The following ROS1 variants were observed in gnomAD, a reference collection of about 807,000 sequenced individuals.
The protein encoded by ROS1 is ROS proto-oncogene 1, receptor tyrosine kinase.
Under a neutral mutation model 273.5 loss-of-function variants are expected in ROS1, and 263 were observed. That is an observed-to-expected ratio of 0.96 (90% CI 0.87 to 1.06). The LOEUF (loss-of-function observed/expected upper bound fraction) is 1.06. Among genes scored for constraint, ROS1 ranks in the 50% least tolerant of loss-of-function variants. ROS1 has a pLI of 0.00. For missense variants in ROS1, 2,833 were observed against 2,751.1 expected, an observed-to-expected ratio of 1.03 and a Z score of -0.67; for synonymous variants, 1,008 against 954.1, an observed-to-expected ratio of 1.06 and a Z score of -1.04.
chr6:117,348,434 C>T (rs769699730), intron 27 of ROS1, among the ~76,000 whole-genome samples: 3 of 151,808 alleles, frequency 2.0e-5, no homozygotes, highest in Non-Finnish European at 4.4e-5. Context: ...GAGATGTCCC[C>T]GCCTTCATTT....
chr6:117,407,675 A>C (rs9489147), intron 5 of ROS1, among the ~76,000 whole-genome samples: 24,135 of 152,146 alleles, frequency 0.16, 2,026 homozygotes, highest in South Asian at 0.2. Flanking sequence ...CATCCCCATC[A>C]AGCTACCAAT....
At chr6:117,306,241 T>C (rs1446129211) in intron 42 of ROS1, among the ~76,000 whole-genome samples, 4 of 152,240 alleles carry the variant, frequency 2.6e-5, no homozygotes, top group South Asian at 4.1e-4. Flanking sequence ...CCTTACTTAT[T>C]ATACCTAATC....
chr6:117,305,635 A>T (rs1181239913), intron 42 of ROS1, among the ~76,000 whole-genome samples: 1 of 152,214 alleles, frequency 6.6e-6, no homozygotes, highest in Non-Finnish European at 1.5e-5. Context: ...CAGTCATCTA[A>T]AAGTAAAGAA....
intron 32 of ROS1, among the ~76,000 whole-genome samples, chr6:117,332,156 A>G (rs981364058): frequency 4.6e-5 from 7 of 151,486 alleles, no homozygotes; most frequent in Non-Finnish European, 7.4e-5. Context: ...TTTACCAAGC[A>G]TATGGAAAGC....
intron 34 of ROS1, among the ~76,000 whole-genome samples, chr6:117,325,173 T>A (rs1182384652): frequency 6.6e-6 from 1 of 152,198 alleles, no homozygotes; most frequent in East Asian, 1.9e-4. Context: ...ATGTAAGTTT[T>A]ATATAGCATG....
At chr6:117,407,108 C>G (rs1375577098) in intron 5 of ROS1, among the ~76,000 whole-genome samples, 1 of 152,026 alleles carries the variant, frequency 6.6e-6, no homozygotes, top group Non-Finnish European at 1.5e-5. Flanking sequence ...TCCACAGAAA[C>G]GTCTAGGGTG....
intron 22 of ROS1, 141 bp downstream of exon 22, chr6:117,362,462 A>G (rs1039280191): frequency 5.9e-6 from 4 of 676,002 alleles, no homozygotes; most frequent in South Asian, 2.7e-5. Flanking sequence ...TTTCTCACAT[A>G]ATTTTAAAAA....
At position 117,407,214 on chromosome 6, in the gene ROS1, C is replaced by T. The variant is rs1774484605; in HGVS notation, c.316+2368G>A. On this transcript the variant is annotated intron_variant, in intron 5 of 43. Coordinates refer to ENST00000368507, the MANE Select transcript of ROS1 (RefSeq NM_001378902.1). ...CAGCCACTGAGAGCAAGGAACAAGC[C>T]ACTGAGTCAAGAACTACAACATATG... 2.0e-5 allele frequency among the ~76,000 whole-genome samples: 3 copies of T among 152,130 alleles called. No homozygotes were observed. In the South Asian group the frequency reaches 6.2e-4, roughly 32 times the overall value.
rs898110578 is a variant in ROS1, at chr6:117,389,920, T to C, written c.1290-74A>G. ...TGAGTAACCTCCTCAGCTAATTGCTTCATTCTGTTGCACAATCAGAACTAT... is the reference window on the plus strand; with the variant it reads ...TGAGTAACCTCCTCAGCTAATTGCTCCATTCTGTTGCACAATCAGAACTAT... On this transcript the variant is annotated intron_variant, in intron 12 of 43. Coordinates refer to ENST00000368507, the MANE Select transcript of ROS1 (RefSeq NM_001378902.1). 7 of 1,327,902 alleles carry C rather than the reference T, an allele frequency of 5.3e-6. No individual in the cohort carries two copies. In the African/African-American group the frequency reaches 7.3e-5, roughly 14 times the overall value. The allele number at this position is 1,327,902 out of a possible 1,614,324, so 82.3% of individuals were successfully genotyped here.
rs1772509762 is a variant in ROS1, at chr6:117,385,669, A to G, written c.2289+14T>C. The G allele has an allele frequency of 3.7e-6, 6 of 1,612,974 alleles. No homozygotes were observed. The East Asian group carries it at 8.9e-5, about 24-fold the overall frequency. ...ATCATTCTAGAGCATCCAGAATGCCATGCTTTAACTCACCACATATGTCTT... is the reference window on the plus strand; with the variant it reads ...ATCATTCTAGAGCATCCAGAATGCCGTGCTTTAACTCACCACATATGTCTT... On this transcript the variant is annotated intron_variant, in intron 16 of 43. Transcript: ENST00000368507.
intron 15 of ROS1, among the ~76,000 whole-genome samples, chr6:117,386,486 A>G (rs779719201): frequency 9.2e-5 from 14 of 152,238 alleles, no homozygotes; most frequent in Non-Finnish European, 1.9e-4. Context: ...TTTGTCAACC[A>G]ATTATTCCTT....
At position 117,365,202 on chromosome 6, in the gene ROS1, G is replaced by T. The variant is rs1287346255; in HGVS notation, c.2961C>A (p.Phe987Leu). The change falls in exon 21 of 44, where the codon TTC becomes TTA. Residue 987 changes from phenylalanine (F) to leucine (L), a missense_variant and splice_region_variant. Coordinates refer to ENST00000368507, the MANE Select transcript of ROS1 (RefSeq NM_001378902.1). Reference protein sequence around the residue: ...YSVEFSAHSKFLASEQHSLPV... With the variant: ...YSVEFSAHSKLLASEQHSLPV... Reference sequence around the variant, plus strand: ...GTAAAGAGTGTTGTTCACTAGCCAAGAACTAAAATATAAACAGAAAACATT... The same window carrying T: ...GTAAAGAGTGTTGTTCACTAGCCAATAACTAAAATATAAACAGAAAACATT... 11 of 1,589,382 alleles carry T rather than the reference G, an allele frequency of 6.9e-6. No individual in the cohort carries two copies. Among genetic ancestry groups the T allele is most frequent in the South Asian group, 1.1e-5 (1 of 87,226 alleles).
intron 42 of ROS1, among the ~76,000 whole-genome samples, chr6:117,306,678 C>A (rs1775127651): frequency 6.6e-6 from 1 of 152,140 alleles, no homozygotes; most frequent in Non-Finnish European, 1.5e-5. Flanking sequence ...GGGCTCAGTG[C>A]AGACTTTCAA....
At chr6:117,342,262 A>C in intron 29 of ROS1, 138 bp downstream of exon 29, 2 of 799,410 alleles carry the variant, frequency 2.5e-6, no homozygotes, top group South Asian at 1.8e-5. Flanking sequence ...GTTTTCTACA[A>C]ACACATTTTT....
At chr6:117,396,027 TC>T (rs1167861688) in intron 9 of ROS1, among the ~76,000 whole-genome samples, 160 bp downstream of exon 9, 1 of 152,170 alleles carries the variant, frequency 6.6e-6, no homozygotes, top group African/African-American at 2.4e-5. Flanking sequence ...ATACTTAGGT[TC>T]ATTTAAAATG....
Position 117,418,406 on chromosome 6 carries a change from C to A in ROS1, c.168+56G>T, listed in dbSNP as rs1193795400. ...ACTGTGATAAAATCTGATCATTGTC[C>A]CTTCATTATCAACACAAACATTGTA... On this transcript the variant is annotated intron_variant, in intron 2 of 43. Coordinates refer to ENST00000368507, the MANE Select transcript of ROS1 (RefSeq NM_001378902.1). 37 of 1,194,564 alleles carry A rather than the reference C, an allele frequency of 3.1e-5. No individual in the cohort carries two copies. In the South Asian group the frequency reaches 4.9e-4, roughly 16 times the overall value. The allele number at this position is 1,194,564 out of a possible 1,614,324, so 74.0% of individuals were successfully genotyped here. A position where few individuals can be genotyped will look rare whatever the true frequency, so the allele number is the denominator to read the frequency against.
chr6:117,366,470 T>C (rs1224272673), intron 18 of ROS1, among the ~76,000 whole-genome samples, 180 bp from the exon 19 acceptor site: 1 of 152,206 alleles, frequency 6.6e-6, no homozygotes, highest in South Asian at 2.1e-4. Flanking sequence ...TGGGTTTTTA[T>C]TTTACATTTT....
chr6:117,356,528 T>C (rs999512137), intron 26 of ROS1, 101 bp downstream of exon 26: 2 of 1,027,492 alleles, frequency 1.9e-6, no homozygotes, highest in African/African-American at 1.6e-5. Context: ...GCAAATATCA[T>C]GTGTATATTT....
At chr6:117,385,966 A>G in intron 15 of ROS1, 105 bp from the exon 16 acceptor site, 1 of 817,830 alleles carries the variant, frequency 1.2e-6, no homozygotes, top group Non-Finnish European at 2.0e-6. Flanking sequence ...TAAACAACAC[A>G]CTGACACATA....
Sources: allele counts gnomAD v4.1 joint callset (sites outside exome capture counted in the v4.1 genomes callset), GRCh38; gene constraint gnomAD v4.1.1; transcripts MANE v1.5; gene names NCBI Gene and HGNC (gene_info 2026-07-23, HGNC 2026-07-21).